Variants in PRMT8 observed in about 807,000 individuals in gnomAD.
PRMT8 encodes protein arginine N-methyltransferase 8.
A neutral mutation model predicts 47.1 loss-of-function variants in PRMT8; 7 were observed. The ratio of observed to expected loss-of-function variants is 0.15; its 90% CI spans 0.08 to 0.28. The LOEUF (loss-of-function observed/expected upper bound fraction) is 0.28. Among genes scored for constraint, PRMT8 ranks in the 10% least tolerant of loss-of-function variants. The pLI, the probability that PRMT8 is intolerant of heterozygous loss-of-function variation, is 1.00. For missense variants in PRMT8, 237 were observed against 505.4 expected, an observed-to-expected ratio of 0.47 and a Z score of 5.09; for synonymous variants, 188 against 186.5, an observed-to-expected ratio of 1.01 and a Z score of -0.07.
rs551921626 is a variant in PRMT8, at chr12:3,456,575, C to T, written c.48+75133C>T. On this transcript the variant is annotated intron_variant, in intron 1 of 9. Transcript: ENST00000452611. This position sits in a 1 kb window ranked among gnomAD's most constrained non-coding sequence, Gnocchi z 4.2. The stretch of plus-strand genomic sequence containing the variant: ...CAATTCACCAACAGCCTTCTCCTCG[C>T]GAAACGCCCGGGACCATCCGTCTGA... 1.3e-5 allele frequency among the ~76,000 whole-genome samples: 2 copies of T among 152,216 alleles called. No homozygotes were observed. The highest frequency in any genetic ancestry group is 2.1e-4 in the South Asian group (1 of 4,822).
At chr12:3,476,616 G>A (rs1213759496) in intron 1 of PRMT8, among the ~76,000 whole-genome samples, 1 of 152,106 alleles carries the variant, frequency 6.6e-6, no homozygotes, top group Non-Finnish European at 1.5e-5. Context: ...CTGCAGAAAG[G>A]TCATGAGACA....
intron 1 of PRMT8, among the ~76,000 whole-genome samples, chr12:3,405,659 A>T (rs936703062): frequency 6.6e-6 from 1 of 152,198 alleles, no homozygotes; most frequent in Non-Finnish European, 1.5e-5. Context: ...GAAGTCCAAA[A>T]TCCAGTAGGG....
chr12:3,489,366 C>A (rs1179280607), upstream of PRMT8, among the ~76,000 whole-genome samples: 1 of 151,832 alleles, frequency 6.6e-6, no homozygotes, highest in African/African-American at 2.4e-5. Flanking sequence ...TGGGTGGGGG[C>A]AGAGTGTCGG....
chr12:3,556,517 A>G (rs1008851714), intron 4 of PRMT8, among the ~76,000 whole-genome samples: 2 of 152,122 alleles, frequency 1.3e-5, no homozygotes, highest in African/African-American at 4.8e-5. Context: ...GGAGGTTACC[A>G]GCGCTCTTAA....
chr12:3,485,290 C>G lies in PRMT8; in HGVS notation c.49-55316C>G, dbSNP rs145378008. 1.9e-3 allele frequency among the ~76,000 whole-genome samples: 284 copies of G among 152,228 alleles called. 2 individuals carry two copies. Among genetic ancestry groups the G allele is most frequent in the African/African-American group, 6.5e-3 (271 of 41,548 alleles). ...AAACACATTTAAAACAGGATTACGTCTTTTATTTCATGGATCTTCCTCCTC... is the reference window on the plus strand; with the variant it reads ...AAACACATTTAAAACAGGATTACGTGTTTTATTTCATGGATCTTCCTCCTC... On this transcript the variant is annotated intron_variant, in intron 1 of 9. Transcript: ENST00000452611.
At chr12:3,578,308 A>C (rs960524096) in intron 7 of PRMT8, among the ~76,000 whole-genome samples, 3 of 152,134 alleles carry the variant, frequency 2.0e-5, no homozygotes, top group African/African-American at 7.2e-5. Context: ...AGCTCACTGC[A>C]GCCTCACTGA....
At chr12:3,466,752 G>A (rs190143899) in intron 1 of PRMT8, among the ~76,000 whole-genome samples, 413 of 152,150 alleles carry the variant, frequency 2.7e-3, no homozygotes, top group Admixed American at 4.0e-3. Flanking sequence ...TAATCCCTGA[G>A]GTATAGAAAC....
chr12:3,549,182 G>A (rs1279256390), intron 2 of PRMT8, among the ~76,000 whole-genome samples: 1 of 152,158 alleles, frequency 6.6e-6, no homozygotes, highest in Non-Finnish European at 1.5e-5. Context: ...CTAGATTTTG[G>A]TTATGGTGGT....
intron 1 of PRMT8, among the ~76,000 whole-genome samples, chr12:3,527,670 A>T (rs1055318596): frequency 4.2e-4 from 64 of 152,120 alleles, no homozygotes; most frequent in African/African-American, 1.4e-3. Flanking sequence ...CAAGATTTTT[A>T]AAAAATTTAA....
At chr12:3,533,575 C>T (rs747905897) in intron 1 of PRMT8, among the ~76,000 whole-genome samples, 11 of 152,364 alleles carry the variant, frequency 7.2e-5, no homozygotes, top group Non-Finnish European at 1.5e-4. Flanking sequence ...CCTTTGCCCC[C>T]AGACTCTGGG....
chr12:3,419,704 G>T (rs915006638), intron 1 of PRMT8, among the ~76,000 whole-genome samples: 18 of 151,938 alleles, frequency 1.2e-4, no homozygotes, highest in African/African-American at 4.4e-4. Flanking sequence ...CCTATCCATT[G>T]TACTTCCAAA....
intron 1 of PRMT8, among the ~76,000 whole-genome samples, chr12:3,407,476 G>A (rs1321883851): frequency 6.6e-6 from 1 of 152,012 alleles, no homozygotes; most frequent in Non-Finnish European, 1.5e-5. Context: ...TCTGTTGATG[G>A]TTCTAACTCT....
chr12:3,459,855 C>G (rs545176422), intron 1 of PRMT8, among the ~76,000 whole-genome samples: 1 of 152,232 alleles, frequency 6.6e-6, no homozygotes, highest in Non-Finnish European at 1.5e-5. Flanking sequence ...GGGGTGAGGA[C>G]GGAATCTCTT....
chr12:3,424,358 A>G (rs983078248), intron 1 of PRMT8, among the ~76,000 whole-genome samples: 1 of 152,034 alleles, frequency 6.6e-6, no homozygotes, highest in African/African-American at 2.4e-5. Flanking sequence ...GATCCTTTTC[A>G]TTTTTTATCC....
chr12:3,593,299 C>A lies in PRMT8; in HGVS notation c.*117C>A. 2 of 883,976 alleles carry A rather than the reference C, an allele frequency of 2.3e-6. No individual in the cohort carries two copies. Among genetic ancestry groups the A allele is most frequent in the Non-Finnish European group, 3.5e-6 (2 of 574,950 alleles). 54.8% of individuals were successfully genotyped at this position (883,976 alleles called of 1,614,324 possible). A position where few individuals can be genotyped will look rare whatever the true frequency, so the allele number is the denominator to read the frequency against. On this transcript the variant is annotated 3_prime_UTR_variant, in exon 10 of 10. Coordinates refer to ENST00000382622, the MANE Select transcript of PRMT8 (RefSeq NM_019854.5). This position sits in a 1 kb window ranked among gnomAD's most constrained non-coding sequence, Gnocchi z 4.8. Reference sequence around the variant, plus strand: ...CACTTGAAAACCAGAGTTTTCAACTCTGCCTTGAAGATTGGTGAACTCCCC... The same window carrying A: ...CACTTGAAAACCAGAGTTTTCAACTATGCCTTGAAGATTGGTGAACTCCCC...
At chr12:3,443,463 C>T (rs997221141) in intron 1 of PRMT8, among the ~76,000 whole-genome samples, 1 of 152,162 alleles carries the variant, frequency 6.6e-6, no homozygotes, top group Non-Finnish European at 1.5e-5. Flanking sequence ...GTCTAACTCA[C>T]ATCCAATTCA....
chr12:3,519,980 C>A (rs868496234), intron 1 of PRMT8, among the ~76,000 whole-genome samples: 1 of 152,132 alleles, frequency 6.6e-6, no homozygotes, highest in Non-Finnish European at 1.5e-5. Context: ...CCAATACAGG[C>A]GAAAGAGGAT....
chr12:3,442,752 G>A (rs1040283218), intron 1 of PRMT8, among the ~76,000 whole-genome samples: 3 of 152,116 alleles, frequency 2.0e-5, no homozygotes, highest in African/African-American at 4.8e-5. Flanking sequence ...TCCACCTCCC[G>A]GATTCAAGTG....
At chr12:3,412,823 C>T (rs1182736183) in intron 1 of PRMT8, among the ~76,000 whole-genome samples, 2 of 152,122 alleles carry the variant, frequency 1.3e-5, no homozygotes, top group African/African-American at 2.4e-5. Context: ...CCATATTGGC[C>T]AGGCTGGTCT....
Sources: allele counts gnomAD v4.1 joint callset (sites outside exome capture counted in the v4.1 genomes callset), GRCh38; gene constraint gnomAD v4.1.1; non-coding constraint Gnocchi (gnomAD v3.1); transcripts MANE v1.5; gene names NCBI Gene and HGNC (gene_info 2026-07-23, HGNC 2026-07-21).